The following PHLPP1 variants were observed in gnomAD, a reference collection of about 807,000 sequenced individuals.
PHLPP1 encodes the protein PH domain and leucine rich repeat protein phosphatase 1.
A neutral mutation model predicts 117.2 loss-of-function variants in PHLPP1; 42 were observed. The observed-to-expected ratio is 0.36, with a 90% CI of 0.28 to 0.46. The LOEUF is 0.46. PHLPP1 is among the 20% of genes least tolerant of loss of function. The pLI is 1.00. For missense variants in PHLPP1, 2,084 were observed against 2,241.9 expected (o/e 0.93, Z 1.42); for synonymous variants, 1,042 against 970.7 (o/e 1.07, Z -1.37).
At chr18:62,901,260 G>T (rs1916717576) in intron 6 of PHLPP1, among the ~76,000 whole-genome samples, 1 of 152,116 alleles carries the variant, frequency 6.6e-6, no homozygotes, top group Admixed American at 6.6e-5. Context: ...GCAGTCTGTT[G>T]TACCCAAGAT....
intron 1 of PHLPP1, among the ~76,000 whole-genome samples, chr18:62,803,821 G>T (rs749832085): frequency 1.3e-4 from 20 of 152,150 alleles, no homozygotes; most frequent in Non-Finnish European, 7.3e-5. Context: ...ATATATGAGA[G>T]TTCTTATTGC....
chr18:62,895,902 T>C lies in PHLPP1; in HGVS notation c.2335T>C (p.Leu779=), dbSNP rs749737556. The change falls in exon 6 of 17, where the codon TTG becomes CTG. Residue 779 remains leucine, a synonymous_variant. Coordinates refer to ENST00000262719, the MANE Select transcript of PHLPP1 (RefSeq NM_194449.4). ...TGAATTTACTGACATTCCCGAAGTA[T>C]TGGAGAAATTGACTGCTGTGGATAA... ...FNEFTDIPEV[L]EKLTAVDKLC... 6 of 1,613,208 alleles carry C rather than the reference T, an allele frequency of 3.7e-6. No homozygotes were observed. Among genetic ancestry groups the C allele is most frequent in the African/African-American group, 2.7e-5 (2 of 74,898 alleles).
At chr18:62,827,346 T>A (rs532170294) in intron 1 of PHLPP1, among the ~76,000 whole-genome samples, 1 of 152,328 alleles carries the variant, frequency 6.6e-6, no homozygotes, top group South Asian at 2.1e-4. Context: ...ATGAGTTACT[T>A]TGGTATTGTC....
intron 1 of PHLPP1, chr18:62,824,208 G>A (rs1167699169): frequency 2.2e-6 from 1 of 455,734 alleles, no homozygotes; most frequent in African/African-American, 2.0e-5. Context: ...ATGTAAAATG[G>A]TACAAACCAG....
At chr18:62,824,078 G>A (rs1012273396) in intron 1 of PHLPP1, 1 of 426,752 alleles carries the variant, frequency 2.3e-6, no homozygotes, top group Non-Finnish European at 4.7e-6. Context: ...GTTGCAGTGA[G>A]CCGAGATCAT....
intron 1 of PHLPP1, among the ~76,000 whole-genome samples, chr18:62,805,477 C>T (rs184044119): frequency 6.6e-6 from 1 of 152,260 alleles, no homozygotes; most frequent in East Asian, 1.9e-4. Flanking sequence ...CCCACCTCAG[C>T]TTCCTGAGTA....
intron 1 of PHLPP1, chr18:62,826,198 T>A: frequency 2.7e-6 from 1 of 366,778 alleles, no homozygotes; most frequent in South Asian, 2.1e-5. Flanking sequence ...CATCATATTT[T>A]TAAGGTAGCT....
chr18:62,967,093 A>G (rs1316563720), intron 14 of PHLPP1, among the ~76,000 whole-genome samples: 3 of 152,308 alleles, frequency 2.0e-5, no homozygotes, highest in Middle Eastern at 3.4e-3. Flanking sequence ...GTAGCATTCC[A>G]TAGCATGGAC....
chr18:62,948,490 G>C (rs1279384402), intron 12 of PHLPP1, among the ~76,000 whole-genome samples: 1 of 152,028 alleles, frequency 6.6e-6, no homozygotes, highest in Non-Finnish European at 1.5e-5. Context: ...TCTTCTCTCT[G>C]TACCTGCTTT....
chr18:62,819,891 C>T (rs1914399226), intron 1 of PHLPP1, among the ~76,000 whole-genome samples: 1 of 152,142 alleles, frequency 6.6e-6, no homozygotes, highest in Non-Finnish European at 1.5e-5. Context: ...TCAGGTGATC[C>T]ACCCACCTTG....
At position 62,715,752 on chromosome 18, in the gene PHLPP1, TCCGGCGGCCGCCGCTGCGG is replaced by T; in HGVS notation, c.71_89del (p.Pro24GlnfsTer26). On this transcript the variant is annotated frameshift_variant, in exon 1 of 17. Transcript: ENST00000262719. LOFTEE classifies it high-confidence loss of function. ...TCGGCAGGGAGGACCGAGCTTCGGC[TCCGGCGGCCGCCGCTGCGG>T]CAGCAGCAGCAGCAGCGGCGGCCGC... The T allele has an allele frequency of 9.0e-7, 1 of 1,107,314 alleles. No individual in the cohort carries two copies. Among genetic ancestry groups the T allele is most frequent in the Non-Finnish European group, 1.1e-6 (1 of 906,244 alleles). 68.6% of individuals were successfully genotyped at this position (1,107,314 alleles called of 1,614,324 possible). A position where few individuals can be genotyped will look rare whatever the true frequency, so the allele number is the denominator to read the frequency against.
intron 1 of PHLPP1, among the ~76,000 whole-genome samples, chr18:62,746,456 G>C (rs1346388178): frequency 6.6e-6 from 1 of 152,238 alleles, no homozygotes; most frequent in Admixed American, 6.5e-5. Flanking sequence ...CCTTTTCTGC[G>C]TGTTGCCTTT....
intron 4 of PHLPP1, among the ~76,000 whole-genome samples, chr18:62,892,385 G>A (rs1426060434): frequency 6.7e-6 from 1 of 150,168 alleles, no homozygotes; most frequent in Non-Finnish European, 1.5e-5. Flanking sequence ...CACCACACCC[G>A]GCCAGAGTGT....
At chr18:62,949,746 T>C (rs187709053) in intron 12 of PHLPP1, among the ~76,000 whole-genome samples, 2 of 152,312 alleles carry the variant, frequency 1.3e-5, no homozygotes, top group Non-Finnish European at 2.9e-5. Context: ...CTCTTGATCA[T>C]CTAGTAAGGA....
At chr18:62,947,479 C>A (rs1280762293) in intron 12 of PHLPP1, among the ~76,000 whole-genome samples, 2 of 152,164 alleles carry the variant, frequency 1.3e-5, no homozygotes, top group Non-Finnish European at 1.5e-5. Flanking sequence ...GTCAGCTAGA[C>A]CTTCCAGGGT....
chr18:62,726,972 A>G (rs1911092148), intron 1 of PHLPP1, among the ~76,000 whole-genome samples: 1 of 151,830 alleles, frequency 6.6e-6, no homozygotes, highest in Non-Finnish European at 1.5e-5. Context: ...TCACACCTGT[A>G]ATCCCAGCAC....
At chr18:62,958,493 G>A (rs1910682044) in intron 12 of PHLPP1, 136 bp from the exon 13 acceptor site, 2 of 738,502 alleles carry the variant, frequency 2.7e-6, no homozygotes, top group Non-Finnish European at 4.1e-6. Context: ...TAACAGATAA[G>A]CCTCCTTTTC....
At chr18:62,854,161 A>G (rs1298086898) in intron 3 of PHLPP1, among the ~76,000 whole-genome samples, 1 of 152,178 alleles carries the variant, frequency 6.6e-6, no homozygotes, top group Non-Finnish European at 1.5e-5. Context: ...GCCTTCAACT[A>G]TCTTGTCTGT....
At chr18:62,850,219 C>T (rs1915308149) in intron 3 of PHLPP1, among the ~76,000 whole-genome samples, 1 of 151,760 alleles carries the variant, frequency 6.6e-6, no homozygotes, top group South Asian at 2.1e-4. Flanking sequence ...GAAACCCTGT[C>T]TCTACTAAAA....
Sources: gnomAD v4.1 joint callset for allele counts (sites outside exome capture counted in the v4.1 genomes callset) on GRCh38, gnomAD v4.1.1 for gene constraint, MANE v1.5 for transcripts, NCBI Gene and HGNC (gene_info 2026-07-23, HGNC 2026-07-21) for gene names.